PHYHIP: variants seen among roughly 807,000 people sequenced by gnomAD.
PHYHIP encodes the protein phytanoyl-CoA hydroxylase-interacting protein.
In PHYHIP, 7 loss-of-function variants were observed where a neutral mutation model predicts 26.1. The observed-to-expected ratio is 0.27, with a 90% CI of 0.15 to 0.50. PHYHIP has a LOEUF of 0.50. Among genes scored for constraint, PHYHIP ranks in the 20% least tolerant of loss-of-function variants. The pLI, the probability that PHYHIP is intolerant of heterozygous loss-of-function variation, is 0.98. For missense variants in PHYHIP, 232 were observed against 454.7 expected (o/e 0.51, Z 4.45); for synonymous variants, 206 against 183.4 (o/e 1.12, Z -1.00).
chr8:22,227,561 C>T (rs974670043), intron 2 of PHYHIP: 17 of 454,448 alleles, frequency 3.7e-5, no homozygotes, highest in African/African-American at 2.6e-4. Flanking sequence ...GGCCGCCTCA[C>T]TCCCCCTGCC....
chr8:22,226,870 C>A lies in PHYHIP; in HGVS notation c.321G>T (p.Thr107=), dbSNP rs778403334. The stretch of plus-strand genomic sequence containing the variant: ...CCTCACCCCCAGTGCAGAACTCCAC[C>A]GTCTCGCTCCAGCCGGACACCAGGT... ...GEYLVSGWSE[T]VEFCTGDYAK... The change falls in exon 3 of 5, where the codon ACG becomes ACT. Residue 107 remains threonine, a synonymous_variant. Coordinates refer to ENST00000454243, the MANE Select transcript of PHYHIP (RefSeq NM_014759.5). 3 of 1,613,544 alleles carry A rather than the reference C, an allele frequency of 1.9e-6. No homozygotes were observed. Among genetic ancestry groups the A allele is most frequent in the Non-Finnish European group, 1.7e-6 (2 of 1,179,718 alleles).
rs577069164 is a variant in PHYHIP at position 22,224,465 on chromosome 8, G to A, written c.341-122C>T. 101 of 659,644 alleles carry A rather than the reference G, an allele frequency of 1.5e-4. 2 individuals are homozygous for A. The South Asian group carries it at 1.6e-3, about 11-fold the overall frequency. 40.9% of individuals were successfully genotyped at this position (659,644 alleles called of 1,614,324 possible). A position where few individuals can be genotyped will look rare whatever the true frequency, so the allele number is the denominator to read the frequency against. ...ACCTCTGTCCGCCAGAGCAGCAGGGGAGACTAGACAGTCGCAGAACCTTAA... is the reference window on the plus strand; with the variant it reads ...ACCTCTGTCCGCCAGAGCAGCAGGGAAGACTAGACAGTCGCAGAACCTTAA... On this transcript the variant is annotated intron_variant, in intron 3 of 4. Coordinates refer to ENST00000454243, the MANE Select transcript of PHYHIP (RefSeq NM_014759.5).
chr8:22,229,272 A>C (rs1423087732), intron 1 of PHYHIP, among the ~76,000 whole-genome samples: 2 of 152,170 alleles, frequency 1.3e-5, no homozygotes, highest in Non-Finnish European at 2.9e-5. Context: ...CACTAAGCTA[A>C]GATAGTGTCC....
Position 22,232,089 on chromosome 8 carries a change from A to T in PHYHIP, c.-323T>A, listed in dbSNP as rs1164693185. The T allele has an allele frequency of 1.3e-5, 2 of 153,942 alleles. No individual in the cohort carries two copies. The highest frequency in any genetic ancestry group is 2.9e-5 in the Non-Finnish European group (2 of 68,170). 9.5% of individuals were successfully genotyped at this position (153,942 alleles called of 1,614,324 possible). On this transcript the variant is annotated 5_prime_UTR_variant, in exon 1 of 5. Coordinates refer to ENST00000454243, the MANE Select transcript of PHYHIP (RefSeq NM_014759.5). The stretch of plus-strand genomic sequence containing the variant: ...CAGCGTGGAGGAGAGAGAGGCAGAG[A>T]AGGGAGAAAGAACGAGAGAGCCAGA...
intron 2 of PHYHIP, among the ~76,000 whole-genome samples, chr8:22,227,433 A>G (rs1417031626): frequency 6.6e-6 from 1 of 152,180 alleles, no homozygotes. Context: ...GTGGTGTTGA[A>G]CATTCACGTC....
At chr8:22,225,228 C>A (rs149996938) in intron 3 of PHYHIP, among the ~76,000 whole-genome samples, 1 of 152,104 alleles carries the variant, frequency 6.6e-6, no homozygotes. Flanking sequence ...CAGTGGTTCA[C>A]GCCTGTGATC....
intron 2 of PHYHIP, chr8:22,227,758 C>G (rs879312389): frequency 4.4e-6 from 2 of 457,506 alleles, no homozygotes; most frequent in South Asian, 1.6e-5. Flanking sequence ...CCGCCCCGAC[C>G]GAGGCCCGTG....
At chr8:22,229,587 G>A (rs754278044) in intron 1 of PHYHIP, among the ~76,000 whole-genome samples, 11 of 152,184 alleles carry the variant, frequency 7.2e-5, no homozygotes, top group East Asian at 3.9e-4. Context: ...GAGTGACAGC[G>A]TCTGGGAGGG....
chr8:22,230,073 G>A (rs1829835722), intron 1 of PHYHIP, among the ~76,000 whole-genome samples: 1 of 152,198 alleles, frequency 6.6e-6, no homozygotes, highest in Non-Finnish European at 1.5e-5. Flanking sequence ...AGATGGGATT[G>A]AGTGTCTGGA....
chr8:22,221,698 G>A lies in PHYHIP; in HGVS notation c.648C>T (p.Pro216=), dbSNP rs1829628977. 1.2e-6 allele frequency: 2 copies of A among 1,613,014 alleles called. No individual in the cohort carries two copies. Among genetic ancestry groups the A allele is most frequent in the South Asian group, 1.1e-5 (1 of 90,962 alleles). The change falls in exon 5 of 5, where the codon CCC becomes CCT. Residue 216 remains proline (P), a synonymous_variant. Coordinates refer to ENST00000454243, the MANE Select transcript of PHYHIP (RefSeq NM_014759.5). This position sits in a 1 kb window ranked among gnomAD's most constrained non-coding sequence, Gnocchi z 7.9. ...FQIPAQRLFN[P]STNLYFADFY... Reference sequence around the variant, plus strand: ...AGTCCGCAAAGTAGAGGTTGGTGCTGGGATTGAAGAGGCGCTGAGCTGGGA... The same window carrying A: ...AGTCCGCAAAGTAGAGGTTGGTGCTAGGATTGAAGAGGCGCTGAGCTGGGA...
chr8:22,221,330 G>A lies in PHYHIP; in HGVS notation c.*23C>T, dbSNP rs200690637. 1.1e-4 allele frequency: 170 copies of A among 1,531,046 alleles called. 1 individual carries two copies. The highest frequency in any genetic ancestry group is 1.3e-4 in the Non-Finnish European group (152 of 1,138,026). 94.8% of individuals were successfully genotyped at this position (1,531,046 alleles called of 1,614,324 possible). ...TCCACCTTCCGCTCATCTCTCCCTC[G>A]CCCCCCAGCTCCCCAGGAGTCCCTA... On this transcript the variant is annotated 3_prime_UTR_variant, in exon 5 of 5. Transcript: ENST00000454243. This position sits in a 1 kb window ranked among gnomAD's most constrained non-coding sequence, Gnocchi z 7.9.
rs1266341636 is a variant in PHYHIP at position 22,219,971 on chromosome 8, G to C, written c.*1382C>G. 1 of 152,402 alleles carries C rather than the reference G, an allele frequency of 6.6e-6. No individual in the cohort carries two copies. The highest frequency in any genetic ancestry group is 1.9e-4 in the East Asian group (1 of 5,200). The allele number at this position is 152,402 out of a possible 1,614,324, so 9.4% of individuals were successfully genotyped here. A position where few individuals can be genotyped will look rare whatever the true frequency, so the allele number is the denominator to read the frequency against. On this transcript the variant is annotated 3_prime_UTR_variant, in exon 5 of 5. Transcript: ENST00000454243. ...CACAACTGCCCCTGGCTACAGATAGGTGACCGTTGTCCACCTGTCCCTCAC... is the reference window on the plus strand; with the variant it reads ...CACAACTGCCCCTGGCTACAGATAGCTGACCGTTGTCCACCTGTCCCTCAC...
At chr8:22,227,244 C>T (rs987824237) in intron 2 of PHYHIP, among the ~76,000 whole-genome samples, 7 of 152,330 alleles carry the variant, frequency 4.6e-5, no homozygotes, top group Admixed American at 1.3e-4. Flanking sequence ...CCTGACACCC[C>T]GTTCTCTTGG....
Position 22,221,262 on chromosome 8 carries a change from G to A in PHYHIP, c.*91C>T, listed in dbSNP as rs775269522. ...TGGGCAGAGTGGAGGGAGCAGGGGG[G>A]CAGGAGAGAGAAAGCCAGCTCCCTG... On this transcript the variant is annotated 3_prime_UTR_variant, in exon 5 of 5. Coordinates refer to ENST00000454243, the MANE Select transcript of PHYHIP (RefSeq NM_014759.5). This position sits in a 1 kb window ranked among gnomAD's most constrained non-coding sequence, Gnocchi z 7.9. 4 of 1,225,278 alleles carry A rather than the reference G, an allele frequency of 3.3e-6. No homozygotes were observed. The highest frequency in any genetic ancestry group is 4.5e-6 in the Non-Finnish European group (4 of 894,146). 75.9% of individuals were successfully genotyped at this position (1,225,278 alleles called of 1,614,324 possible).
At chr8:22,222,103 A>T (rs983280412) in intron 4 of PHYHIP, among the ~76,000 whole-genome samples, 1 of 152,148 alleles carries the variant, frequency 6.6e-6, no homozygotes, top group Non-Finnish European at 1.5e-5. Context: ...CTTCTCAGAG[A>T]AGAGATATGA....
rs4872422 is a variant in PHYHIP, at chr8:22,221,842, A to G, written c.504T>C (p.Ser168=). The stretch of plus-strand genomic sequence containing the variant: ...CGCTGGTGGGGGAGCCGTGGCTGCC[A>G]CTGTTGTCCTTCAGGTAAGGCTGCA... ...NMLQPYLKDN[S]GSHGSPTSGM... is the part of the protein sequence containing the mutation. Residue 168 remains serine, a synonymous_variant, in exon 5 of 5, where the codon AGT becomes AGC. Coordinates refer to ENST00000454243, the MANE Select transcript of PHYHIP (RefSeq NM_014759.5). The surrounding 1 kb of genome is among the most constrained non-coding windows in gnomAD (Gnocchi z 7.9). The G allele has an allele frequency of 1, 1,571,961 of 1,572,290 alleles. 785,817 individuals are homozygous for G. Among genetic ancestry groups the G allele is most frequent in the Admixed American group, 1 (53,768 of 53,772 alleles).
intron 2 of PHYHIP, 33 bp downstream of exon 2, chr8:22,228,160 T>TG: frequency 6.3e-7 from 1 of 1,599,782 alleles, no homozygotes; most frequent in Non-Finnish European, 8.6e-7. Flanking sequence ...GAACAGAAGC[T>TG]GGGGAGGGGC....
At chr8:22,224,626 G>A (rs1829704963) in intron 3 of PHYHIP, among the ~76,000 whole-genome samples, 1 of 152,242 alleles carries the variant, frequency 6.6e-6, no homozygotes, top group Non-Finnish European at 1.5e-5. Context: ...GGGCTGCCCA[G>A]TTATCCTGCC....
chr8:22,228,031 C>G (rs1242971338), intron 2 of PHYHIP, among the ~76,000 whole-genome samples, 162 bp downstream of exon 2: 1 of 152,252 alleles, frequency 6.6e-6, no homozygotes, highest in Non-Finnish European at 1.5e-5. Context: ...GGAAGGAGCT[C>G]AGGCTCAGAG....
Sources: gnomAD v4.1 joint callset for allele counts (sites outside exome capture counted in the v4.1 genomes callset) on GRCh38, gnomAD v4.1.1 for gene constraint, Gnocchi (gnomAD v3.1) non-coding constraint, MANE v1.5 for transcripts, NCBI Gene and HGNC (gene_info 2026-07-23, HGNC 2026-07-21) for gene names.